NBAS: variants seen among roughly 807,000 people sequenced by gnomAD.
NBAS encodes the protein NBAS subunit of NRZ tethering complex, also known as NAG/BC035112 fusion.
Under a neutral mutation model 302.5 loss-of-function variants are expected in NBAS, and 219 were observed. That is an observed-to-expected ratio of 0.72 (90% CI 0.65 to 0.81). The LOEUF is 0.81. NBAS is among the 30% of genes least tolerant of loss of function. The probability of loss-of-function intolerance (pLI) is 0.00; values close to 1 mark genes in which losing one functional copy is unlikely to be tolerated. For synonymous variants in NBAS, 1,118 were observed against 1,021.6 expected, an observed-to-expected ratio of 1.09 and a Z score of -1.80; for missense variants, 2,932 against 2,841.6, an observed-to-expected ratio of 1.03 and a Z score of -0.72.
chr2:15,532,862 G>C (rs1473840233), intron 9 of NBAS, among the ~76,000 whole-genome samples: 1 of 150,684 alleles, frequency 6.6e-6, no homozygotes, highest in Non-Finnish European at 1.5e-5. Flanking sequence ...GTCACATCTT[G>C]GTAAAAAAAA....
Position 15,255,028 on chromosome 2 carries a change from C to T in NBAS, c.5725-16342G>A, listed in dbSNP as rs555253001. 4.6e-5 allele frequency among the ~76,000 whole-genome samples: 7 copies of T among 152,212 alleles called. No individual in the cohort carries two copies. In the South Asian group the frequency reaches 1.2e-3, roughly 27 times the overall value. On this transcript the variant is annotated intron_variant, in intron 44 of 51. Transcript: ENST00000281513. ...TGCGAATTGTGCTGCTATAAATATG[C>T]ATGTGCAAGTGTTTTTTTCATATAA...
At chr2:15,366,831 A>C (rs1318509708) in intron 31 of NBAS, 138 bp from the exon 32 acceptor site, 1 of 762,856 alleles carries the variant, frequency 1.3e-6, no homozygotes, top group Non-Finnish European at 2.3e-6. Flanking sequence ...TAAAAGTAAA[A>C]GGCACGTTTA....
chr2:15,537,580 C>A (rs1232018442), intron 7 of NBAS, among the ~76,000 whole-genome samples: 2 of 152,140 alleles, frequency 1.3e-5, no homozygotes, highest in Non-Finnish European at 2.9e-5. Flanking sequence ...GAGTCCAAGA[C>A]CCAGCCTGGA....
At chr2:15,310,362 C>T (rs573217149) in intron 38 of NBAS, among the ~76,000 whole-genome samples, 5 of 152,240 alleles carry the variant, frequency 3.3e-5, no homozygotes, top group Admixed American at 6.5e-5. Flanking sequence ...ACATGTTATC[C>T]GAACCTTAGG....
chr2:15,490,123 GA>G (rs1680792348), intron 11 of NBAS, among the ~76,000 whole-genome samples: 1 of 151,992 alleles, frequency 6.6e-6, no homozygotes, highest in Non-Finnish European at 1.5e-5. Flanking sequence ...CTATAGAACT[GA>G]AAATGAAACA....
At chr2:15,027,255 G>A in the NBAS span, among the ~76,000 whole-genome samples, 1 of 152,098 alleles carries the variant, frequency 6.6e-6, no homozygotes, top group African/African-American at 2.4e-5. Flanking sequence ...CAAGAACAAT[G>A]CATATTTTTG....
the NBAS span, among the ~76,000 whole-genome samples, chr2:14,904,009 G>C: frequency 6.6e-6 from 1 of 152,208 alleles, no homozygotes; most frequent in Non-Finnish European, 1.5e-5. Flanking sequence ...TAGGTTGGGC[G>C]AGGCGCTCCC....
intron 40 of NBAS, among the ~76,000 whole-genome samples, chr2:15,294,573 A>G (rs1670461356): frequency 6.6e-6 from 1 of 151,956 alleles, no homozygotes; most frequent in Non-Finnish European, 1.5e-5. Context: ...GTGCACAGCC[A>G]CCTCTGCAGT....
chr2:15,152,622 C>A, the NBAS span, among the ~76,000 whole-genome samples: 1 of 152,230 alleles, frequency 6.6e-6, no homozygotes, highest in Non-Finnish European at 1.5e-5. Context: ...CTTCCTTTTT[C>A]TATGGAGCGC....
At chr2:15,142,083 T>C in the NBAS span, among the ~76,000 whole-genome samples, 1 of 152,200 alleles carries the variant, frequency 6.6e-6, no homozygotes, top group African/African-American at 2.4e-5. Flanking sequence ...TACCCATTCA[T>C]CTCCACCCAC....
chr2:15,096,823 G>A, the NBAS span, among the ~76,000 whole-genome samples: 1 of 152,180 alleles, frequency 6.6e-6, no homozygotes. Context: ...AAATATATTG[G>A]TTGTGACCTG....
chr2:15,088,400 T>A, the NBAS span, among the ~76,000 whole-genome samples: 32 of 152,334 alleles, frequency 2.1e-4, no homozygotes, highest in African/African-American at 7.7e-4. Flanking sequence ...AATTATTTCT[T>A]TCTGTTTCTC....
intron 19 of NBAS, among the ~76,000 whole-genome samples, chr2:15,465,075 T>C (rs1320926634): frequency 6.6e-6 from 1 of 152,206 alleles, no homozygotes; most frequent in Non-Finnish European, 1.5e-5. Context: ...CATAAGACAA[T>C]GGCTGACAAA....
the NBAS span, among the ~76,000 whole-genome samples, chr2:14,960,989 C>T: frequency 6.6e-6 from 1 of 152,088 alleles, no homozygotes; most frequent in Non-Finnish European, 1.5e-5. Context: ...TAAGGAAGGG[C>T]TCAAAGATCT....
intron 21 of NBAS, among the ~76,000 whole-genome samples, chr2:15,432,876 A>C (rs1677832292): frequency 6.6e-6 from 1 of 152,228 alleles, no homozygotes. Flanking sequence ...GGCATTATTC[A>C]GAGCTCTCTT....
intron 40 of NBAS, among the ~76,000 whole-genome samples, chr2:15,307,549 A>G (rs1248145389): frequency 6.6e-6 from 1 of 152,210 alleles, no homozygotes; most frequent in African/African-American, 2.4e-5. Context: ...AAATGATCCA[A>G]TACAAAAATC....
the NBAS span, among the ~76,000 whole-genome samples, chr2:14,928,801 T>G: frequency 4.2e-4 from 64 of 152,144 alleles, no homozygotes; most frequent in Non-Finnish European, 8.4e-4. Context: ...TGAATCTCAG[T>G]CCTTGTAGGT....
chr2:14,818,206 C>A, the NBAS span, among the ~76,000 whole-genome samples: 1 of 152,110 alleles, frequency 6.6e-6, no homozygotes, highest in African/African-American at 2.4e-5. Context: ...TACTTCGTGT[C>A]CAATATGTCA....
At chr2:15,176,458 G>GACACACAC (rs71400639) in intron 51 of NBAS, among the ~76,000 whole-genome samples, 7 of 149,320 alleles carry the variant, frequency 4.7e-5, no homozygotes, top group African/African-American at 1.5e-4. Context: ...GTCACATGGA[G>GACACACAC]ACACACACAC....
Sources: gnomAD v4.1 joint callset for allele counts (sites outside exome capture counted in the v4.1 genomes callset) on GRCh38, gnomAD v4.1.1 for gene constraint, MANE v1.5 for transcripts, NCBI Gene and HGNC (gene_info 2026-07-23, HGNC 2026-07-21) for gene names.